SYNPO2: variants seen among roughly 807,000 people sequenced by gnomAD.
SYNPO2 encodes synaptopodin-2.
A neutral mutation model predicts 85.0 loss-of-function variants in SYNPO2; 56 were observed. The observed-to-expected ratio is 0.66, with a 90% confidence interval of 0.53 to 0.82. SYNPO2 has a LOEUF of 0.82. Among genes scored for constraint, SYNPO2 ranks in the 40% least tolerant of loss-of-function variants. The pLI, the probability that SYNPO2 is intolerant of heterozygous loss-of-function variation, is 0.00. For synonymous variants in SYNPO2, 602 were observed against 591.1 expected, an observed-to-expected ratio of 1.02 and a Z score of -0.27; for missense variants, 1,575 against 1,534.2, an observed-to-expected ratio of 1.03 and a Z score of -0.44.
chr4:118,954,452 A>G (rs1421952650), intron 1 of SYNPO2, among the ~76,000 whole-genome samples: 2 of 152,196 alleles, frequency 1.3e-5, no homozygotes, highest in Non-Finnish European at 2.9e-5. Context: ...TCTAGGGACT[A>G]TGTAGGTCTC....
At chr4:118,983,478 C>CT (rs1372166107) in intron 1 of SYNPO2, among the ~76,000 whole-genome samples, 1 of 152,192 alleles carries the variant, frequency 6.6e-6, no homozygotes, top group African/African-American at 2.4e-5. Flanking sequence ...TCAATGGTTT[C>CT]TTCTCAGCTC....
At chr4:119,002,705 T>C (rs1736868541) in intron 1 of SYNPO2, among the ~76,000 whole-genome samples, 2 of 152,166 alleles carry the variant, frequency 1.3e-5, no homozygotes, top group Non-Finnish European at 2.9e-5. Flanking sequence ...CCCTATTTCT[T>C]TGGTTTTTCT....
At chr4:118,942,025 T>G (rs958388348) in intron 1 of SYNPO2, among the ~76,000 whole-genome samples, 3 of 152,098 alleles carry the variant, frequency 2.0e-5, no homozygotes, top group African/African-American at 7.2e-5. Flanking sequence ...GCTTAGTGTG[T>G]GAGAGATAAA....
chr4:118,916,372 C>A (rs1459651604), intron 1 of SYNPO2, among the ~76,000 whole-genome samples: 1 of 151,758 alleles, frequency 6.6e-6, no homozygotes, highest in Non-Finnish European at 1.5e-5. Flanking sequence ...GGGGTTTCAC[C>A]ATGTTGGCCA....
intron 1 of SYNPO2, among the ~76,000 whole-genome samples, chr4:118,899,216 A>G (rs1220678931): frequency 6.6e-6 from 1 of 152,218 alleles, no homozygotes; most frequent in Non-Finnish European, 1.5e-5. Context: ...GTGTATGTAC[A>G]TATATATAAA....
At chr4:118,937,206 C>T (rs890866369) in intron 1 of SYNPO2, among the ~76,000 whole-genome samples, 6 of 152,188 alleles carry the variant, frequency 3.9e-5, no homozygotes, top group African/African-American at 1.4e-4. Flanking sequence ...CAAGGCCCCG[C>T]CTACATGTCC....
At chr4:118,887,521 C>T (rs1371629013), upstream of SYNPO2, among the ~76,000 whole-genome samples, 1 of 152,098 alleles carries the variant, frequency 6.6e-6, no homozygotes, top group Non-Finnish European at 1.5e-5. Context: ...ATTGAATCCA[C>T]CACCACTACA....
intron 1 of SYNPO2, among the ~76,000 whole-genome samples, chr4:118,929,500 T>C (rs1466969219): frequency 1.3e-5 from 2 of 152,174 alleles, no homozygotes; most frequent in African/African-American, 2.4e-5. Flanking sequence ...AAAATTTTGC[T>C]ACATTTTCCT....
intron 1 of SYNPO2, among the ~76,000 whole-genome samples, chr4:118,947,336 T>C (rs539479175): frequency 1.3e-5 from 2 of 152,228 alleles, no homozygotes; most frequent in African/African-American, 4.8e-5. Context: ...GCCTTTCCCT[T>C]AAGCTATATA....
At chr4:118,879,262 A>T (rs889716468) in intron 1 of SYNPO2, among the ~76,000 whole-genome samples, 1 of 152,200 alleles carries the variant, frequency 6.6e-6, no homozygotes, top group East Asian at 1.9e-4. Context: ...AACCCACTGG[A>T]ATGAACCAAT....
intron 3 of SYNPO2, among the ~76,000 whole-genome samples, chr4:119,028,365 G>GT (rs1738071140): frequency 6.6e-6 from 1 of 151,790 alleles, no homozygotes; most frequent in Admixed American, 6.6e-5. Context: ...CTAACCTATT[G>GT]TTATTCCTTT....
In SYNPO2 at chr4:119,050,556, C is replaced by T. The variant is rs143124695; in HGVS notation, c.3253-6845C>T. On this transcript the variant is annotated intron_variant, in intron 4 of 4. Coordinates refer to ENST00000307142, the MANE Select transcript of SYNPO2 (RefSeq NM_133477.3). ...CTACTTCACGGGGTTGTGACGATTA[C>T]GTGAAACACTCCACATAAAGAAATC... Among the ~76,000 whole-genome samples the T allele has an allele frequency of 8.0e-3, 1,218 of 152,214 alleles. 11 individuals are homozygous for T. The highest frequency in any genetic ancestry group is 0.013 in the Non-Finnish European group (887 of 68,008).
intron 1 of SYNPO2, among the ~76,000 whole-genome samples, chr4:118,920,926 C>T (rs1225144565): frequency 6.6e-6 from 1 of 151,278 alleles, no homozygotes; most frequent in Non-Finnish European, 1.5e-5. Context: ...GAGAGAGGGT[C>T]TAGCTCTGTC....
At chr4:118,863,693 C>T (rs530247774) in intron 1 of SYNPO2, among the ~76,000 whole-genome samples, 28 of 152,216 alleles carry the variant, frequency 1.8e-4, no homozygotes, top group African/African-American at 5.8e-4. Flanking sequence ...CTCACTGCAA[C>T]CTCCACCTCC....
At chr4:118,923,313 T>C (rs1460131146) in intron 1 of SYNPO2, among the ~76,000 whole-genome samples, 1 of 152,096 alleles carries the variant, frequency 6.6e-6, no homozygotes, top group Admixed American at 6.6e-5. Flanking sequence ...AAATATCATA[T>C]GTTCCCACTT....
intron 1 of SYNPO2, among the ~76,000 whole-genome samples, chr4:118,873,717 T>G (rs1731845956): frequency 1.3e-5 from 2 of 152,348 alleles, no homozygotes; most frequent in South Asian, 4.1e-4. Flanking sequence ...CATTTGTCTA[T>G]TTTTGTTTTT....
At chr4:118,886,450 T>G (rs1222552388), upstream of SYNPO2, among the ~76,000 whole-genome samples, 2 of 152,132 alleles carry the variant, frequency 1.3e-5, no homozygotes, top group Non-Finnish European at 2.9e-5. Context: ...TCCCTCCCTG[T>G]GTCTATGTGT....
intron 1 of SYNPO2, among the ~76,000 whole-genome samples, chr4:118,927,782 A>C: frequency 7.1e-6 from 1 of 141,282 alleles, no homozygotes; most frequent in East Asian, 1.9e-4. Flanking sequence ...TAGATGATAG[A>C]TAGATAGATA....
intron 1 of SYNPO2, among the ~76,000 whole-genome samples, chr4:118,916,944 A>G (rs1733356846): frequency 6.6e-6 from 1 of 152,046 alleles, no homozygotes; most frequent in South Asian, 2.1e-4. Context: ...TCTGTTGTCC[A>G]GGCTGGTCTC....
Sources: allele counts gnomAD v4.1 joint callset (sites outside exome capture counted in the v4.1 genomes callset), GRCh38; gene constraint gnomAD v4.1.1; transcripts MANE v1.5; gene names NCBI Gene and HGNC (gene_info 2026-07-23, HGNC 2026-07-21).